The following GRIK2 variants were observed in gnomAD, a reference collection of about 807,000 sequenced individuals.
The protein encoded by GRIK2 is glutamate ionotropic receptor kainate type subunit 2, also known as glutamate receptor ionotropic, kainate 2.
In GRIK2, 32 loss-of-function variants were observed where a neutral mutation model predicts 100.3. The ratio of observed to expected loss-of-function variants is 0.32; its 90% CI spans 0.24 to 0.43. GRIK2 has a LOEUF of 0.43. Among genes scored for constraint, GRIK2 ranks in the 20% least tolerant of loss-of-function variants. The pLI is 1.00. For missense variants in GRIK2, 843 were observed against 1,114.9 expected (o/e 0.76, Z 3.47); for synonymous variants, 417 against 389.4 (o/e 1.07, Z -0.83).
At chr6:101,875,183 T>A (rs1156680018) in intron 11 of GRIK2, among the ~76,000 whole-genome samples, 1 of 151,712 alleles carries the variant, frequency 6.6e-6, no homozygotes, top group Non-Finnish European at 1.5e-5. Flanking sequence ...AAACTGGACA[T>A]TAATTTTTAA....
intron 7 of GRIK2, among the ~76,000 whole-genome samples, chr6:101,793,249 G>T (rs1780024499): frequency 6.6e-6 from 1 of 152,208 alleles, no homozygotes; most frequent in African/African-American, 2.4e-5. Context: ...TGTTGCTGGT[G>T]AGGAACTGCG....
chr6:101,648,639 A>G (rs1487194373), intron 4 of GRIK2, among the ~76,000 whole-genome samples: 1 of 152,126 alleles, frequency 6.6e-6, no homozygotes, highest in East Asian at 1.9e-4. Context: ...ATGATAAACT[A>G]AAGATTGAAT....
chr6:101,464,502 T>C (rs1449060508), intron 2 of GRIK2, among the ~76,000 whole-genome samples: 126 of 6,970 alleles, frequency 0.018, 8 homozygotes, highest in African/African-American at 0.069. Flanking sequence ...TCTTTCTTTT[T>C]TTTTTTTTTT....
intron 14 of GRIK2, among the ~76,000 whole-genome samples, chr6:101,977,033 A>G (rs1005952957): frequency 4.6e-5 from 7 of 151,994 alleles, no homozygotes; most frequent in Non-Finnish European, 1.0e-4. Flanking sequence ...AGTGGAAAAC[A>G]TGATGACACA....
intron 2 of GRIK2, among the ~76,000 whole-genome samples, chr6:101,552,104 T>C (rs946562426): frequency 1.3e-5 from 2 of 152,054 alleles, no homozygotes; most frequent in African/African-American, 4.8e-5. Context: ...GACTAGAGGG[T>C]AATAGAAGAA....
intron 2 of GRIK2, among the ~76,000 whole-genome samples, chr6:101,579,757 A>G (rs1239106238): frequency 6.6e-6 from 1 of 151,808 alleles, no homozygotes; most frequent in Non-Finnish European, 1.5e-5. Flanking sequence ...AGGCTGAGGC[A>G]GGAGAATCAC....
intron 14 of GRIK2, among the ~76,000 whole-genome samples, chr6:101,962,594 T>C (rs1792372354): frequency 6.6e-6 from 1 of 152,196 alleles, no homozygotes; most frequent in Non-Finnish European, 1.5e-5. Flanking sequence ...GAACTTCTGC[T>C]TATTTGTCTT....
intron 2 of GRIK2, chr6:101,431,151 A>G (rs1769363957): frequency 4.2e-6 from 1 of 240,414 alleles, no homozygotes; most frequent in Non-Finnish European, 9.0e-6. Flanking sequence ...GGGCAGCAGC[A>G]CTGGGTGCTC....
chr6:101,586,467 G>T (rs1562243725), intron 2 of GRIK2, among the ~76,000 whole-genome samples: 2 of 152,064 alleles, frequency 1.3e-5, no homozygotes, highest in East Asian at 3.9e-4. Flanking sequence ...ATCCAAAACT[G>T]CTCTGAAGGA....
chr6:101,589,938 TAAC>T, intron 2 of GRIK2, among the ~76,000 whole-genome samples: 1 of 152,224 alleles, frequency 6.6e-6, no homozygotes, highest in East Asian at 1.9e-4. Context: ...AAACTAATAA[TAAC>T]CTGGATAAAA....
At chr6:101,706,496 G>GT (rs1388841301) in intron 7 of GRIK2, among the ~76,000 whole-genome samples, 3 of 151,646 alleles carry the variant, frequency 2.0e-5, no homozygotes, top group Non-Finnish European at 4.4e-5. Context: ...ATCAAATATT[G>GT]TATCTGTTTT....
At chr6:101,781,933 C>T (rs1562380658) in intron 7 of GRIK2, among the ~76,000 whole-genome samples, 1 of 152,006 alleles carries the variant, frequency 6.6e-6, no homozygotes, top group Non-Finnish European at 1.5e-5. Flanking sequence ...GATGAAAGCC[C>T]TCTCCTAGGT....
intron 14 of GRIK2, among the ~76,000 whole-genome samples, chr6:102,026,697 C>A (rs982443724): frequency 4.6e-5 from 7 of 151,298 alleles, no homozygotes; most frequent in Admixed American, 3.3e-4. Flanking sequence ...TTCTTTTATT[C>A]CTCTATTAAC....
chr6:102,061,452 G>A (rs558251579), intron 16 of GRIK2, among the ~76,000 whole-genome samples: 22 of 150,378 alleles, frequency 1.5e-4, no homozygotes, highest in African/African-American at 5.1e-4. Context: ...ACAGAATGGA[G>A]GCAGAATATT....
intron 2 of GRIK2, among the ~76,000 whole-genome samples, chr6:101,402,663 C>G (rs1308942341): frequency 6.6e-6 from 1 of 152,132 alleles, no homozygotes; most frequent in African/African-American, 2.4e-5. Flanking sequence ...GGGTGCCCAC[C>G]CGGCGGGCAA....
At chr6:101,728,147 TATCAC>T (rs1484184041) in intron 7 of GRIK2, among the ~76,000 whole-genome samples, 1 of 152,082 alleles carries the variant, frequency 6.6e-6, no homozygotes, top group Non-Finnish European at 1.5e-5. Context: ...TTGGTTAACT[TATCAC>T]ATATAATTAT....
intron 10 of GRIK2, among the ~76,000 whole-genome samples, chr6:101,857,409 T>G (rs1364851748): frequency 6.6e-6 from 1 of 152,156 alleles, no homozygotes; most frequent in East Asian, 1.9e-4. Flanking sequence ...TGCATACAAC[T>G]GTATAGAGAT....
At chr6:101,458,949 G>A (rs995126649) in intron 2 of GRIK2, among the ~76,000 whole-genome samples, 8 of 151,942 alleles carry the variant, frequency 5.3e-5, no homozygotes, top group Non-Finnish European at 7.4e-5. Flanking sequence ...GATTATGACC[G>A]CAAATTTCTG....
At chr6:101,618,224 T>C (rs1779990448) in intron 2 of GRIK2, among the ~76,000 whole-genome samples, 1 of 151,744 alleles carries the variant, frequency 6.6e-6, no homozygotes, top group African/African-American at 2.4e-5. Flanking sequence ...GAAATATTTA[T>C]TGAAAATACA....
Sources: gnomAD v4.1 joint callset for allele counts (sites outside exome capture counted in the v4.1 genomes callset) on GRCh38, gnomAD v4.1.1 for gene constraint, MANE v1.5 for transcripts, NCBI Gene and HGNC (gene_info 2026-07-23, HGNC 2026-07-21) for gene names.